The following CEP85L variants were observed in gnomAD, a reference collection of about 807,000 sequenced individuals.
The protein encoded by CEP85L is centrosomal protein 85L, also known as centrosomal protein of 85 kDa-like.
In CEP85L, 60 loss-of-function variants were observed where a neutral mutation model predicts 100.3. The ratio of observed to expected loss-of-function variants is 0.60; its 90% CI spans 0.49 to 0.74. The LOEUF (loss-of-function observed/expected upper bound fraction) is 0.74. Ranked by LOEUF, CEP85L falls within the 30% of genes least tolerant of loss-of-function variation. The probability of loss-of-function intolerance (pLI) is 0.00; values close to 1 mark genes in which losing one functional copy is unlikely to be tolerated. For missense variants in CEP85L, 973 were observed against 936.2 expected, an observed-to-expected ratio of 1.04 and a Z score of -0.51; for synonymous variants, 319 against 322.7, an observed-to-expected ratio of 0.99 and a Z score of 0.12.
At chr6:118,551,881 T>A (rs1422572647) in intron 3 of CEP85L, among the ~76,000 whole-genome samples, 2 of 151,934 alleles carry the variant, frequency 1.3e-5, no homozygotes, top group African/African-American at 4.8e-5. Flanking sequence ...TCCACTGGAG[T>A]GAACTTTTGT....
intron 1 of CEP85L, among the ~76,000 whole-genome samples, chr6:118,704,481 TG>T (rs1777528598): frequency 6.6e-6 from 1 of 152,148 alleles, no homozygotes; most frequent in African/African-American, 2.4e-5. Flanking sequence ...TTTGCTTTTT[TG>T]TTTTGAGACA....
Position 118,470,627 on chromosome 6 carries a change from A to T in CEP85L, c.1932T>A (p.Leu644=). The change falls in exon 11 of 13, where the codon CTT becomes CTA. Residue 644 remains leucine, a synonymous_variant. Coordinates refer to ENST00000368491, the MANE Select transcript of CEP85L (RefSeq NM_001042475.3). The stretch of plus-strand genomic sequence containing the variant: ...TTTGAGTGGTCAGTTTCTCTTTAGA[A>T]AGCTTTCCTTGCATAGACTAGAATT... ...ILEIQSMQGK[L]SKEKLTTQKM... is the part of the protein sequence containing the mutation. 6.2e-7 allele frequency: 1 copy of T among 1,600,316 alleles called. No individual in the cohort carries two copies. Among genetic ancestry groups the T allele is most frequent in the Non-Finnish European group, 8.5e-7 (1 of 1,173,314 alleles).
chr6:118,591,336 C>G (rs1374693946), intron 2 of CEP85L, among the ~76,000 whole-genome samples: 1 of 152,048 alleles, frequency 6.6e-6, no homozygotes, highest in Non-Finnish European at 1.5e-5. Context: ...TTGCAAAGGC[C>G]CCCTCCCACC....
chr6:118,669,677 A>G (rs996098822), intron 1 of CEP85L, among the ~76,000 whole-genome samples: 15 of 152,062 alleles, frequency 9.9e-5, no homozygotes, highest in African/African-American at 3.1e-4. Flanking sequence ...CTCTCATTGC[A>G]CTACTAAAAC....
At chr6:118,558,541 T>C (rs1038587754) in intron 3 of CEP85L, among the ~76,000 whole-genome samples, 1 of 151,498 alleles carries the variant, frequency 6.6e-6, no homozygotes, top group Non-Finnish European at 1.5e-5. Flanking sequence ...CTAAAGTTAC[T>C]ACTCCTAACA....
intron 9 of CEP85L, among the ~76,000 whole-genome samples, chr6:118,480,174 G>A (rs1773672503): frequency 6.6e-6 from 1 of 151,896 alleles, no homozygotes; most frequent in South Asian, 2.1e-4. Context: ...GAATAATTAA[G>A]GAAGGAAAAA....
At chr6:118,629,560 C>G (rs769552353) in intron 2 of CEP85L, among the ~76,000 whole-genome samples, 1 of 152,210 alleles carries the variant, frequency 6.6e-6, no homozygotes, top group Non-Finnish European at 1.5e-5. Flanking sequence ...CAACAGAACC[C>G]TCATGTATTG....
At chr6:118,614,037 G>C (rs1466495434) in intron 2 of CEP85L, among the ~76,000 whole-genome samples, 3 of 152,048 alleles carry the variant, frequency 2.0e-5, no homozygotes, top group Non-Finnish European at 4.4e-5. Flanking sequence ...CCATGACCAA[G>C]TGGCGCTTAT....
rs1780714743 is a variant in CEP85L, at chr6:118,583,898, A to T, written c.233-17582T>A. On this transcript the variant is annotated intron_variant, in intron 2 of 12. Transcript: ENST00000368491. ...CTAATCCCTATACCCTGTTAACTCA[A>T]ATACCTGAGGGAACTAAATGGTTTA... is the stretch of plus-strand genomic sequence containing the variant. Among the ~76,000 whole-genome samples the T allele has an allele frequency of 2.6e-5, 4 of 152,150 alleles. No homozygotes were observed. In the South Asian group the frequency reaches 8.3e-4, roughly 32 times the overall value.
At position 118,566,239 on chromosome 6, in the gene CEP85L, G is replaced by C; in HGVS notation, c.310C>G (p.Pro104Ala). 1 of 1,614,038 alleles carries C rather than the reference G, an allele frequency of 6.2e-7. No homozygotes were observed. Among genetic ancestry groups the C allele is most frequent in the Non-Finnish European group, 8.5e-7 (1 of 1,179,898 alleles). Reference protein sequence around the residue: ...LITLPTAHVMPSNSSASISKL... With the variant: ...LITLPTAHVMASNSSASISKL... ...GAAATTGAAGCGCTGGAATTAGACG[G>C]CATCACATGGGCAGTAGGAAGAGTA... The change falls in exon 3 of 13, where the codon CCG (proline) becomes GCG (alanine). Residue 104 changes from proline to alanine, a missense_variant. Pro to Ala is a conservative substitution (Grantham distance 27). Around this residue, in one of 3 missense-constraint regions of CEP85L, gnomAD observed 890 missense variants for 844.5 expected, o/e 1.05. Transcript: ENST00000368491.
intron 1 of CEP85L, among the ~76,000 whole-genome samples, chr6:118,709,040 C>G (rs1415331418): frequency 2.0e-5 from 3 of 152,052 alleles, no homozygotes; most frequent in Non-Finnish European, 4.4e-5. Context: ...AGAATAGCCC[C>G]GATTTTGTAC....
At chr6:118,523,345 T>C (rs1776773867) in intron 4 of CEP85L, among the ~76,000 whole-genome samples, 1 of 152,210 alleles carries the variant, frequency 6.6e-6, no homozygotes, top group Non-Finnish European at 1.5e-5. Context: ...ACTGCCATAA[T>C]TCTTAACTAT....
At chr6:118,614,661 T>C (rs552911872) in intron 2 of CEP85L, among the ~76,000 whole-genome samples, 1 of 152,084 alleles carries the variant, frequency 6.6e-6, no homozygotes, top group Non-Finnish European at 1.5e-5. Flanking sequence ...CTGACCAACA[T>C]GGAGAAACCC....
intron 4 of CEP85L, among the ~76,000 whole-genome samples, chr6:118,523,095 C>T (rs1026931893): frequency 6.6e-6 from 1 of 152,078 alleles, no homozygotes; most frequent in Admixed American, 6.6e-5. Flanking sequence ...TAAGTAATTA[C>T]GAGCACTGGT....
chr6:118,635,605 G>A (rs540107430), intron 1 of CEP85L, among the ~76,000 whole-genome samples: 1 of 152,268 alleles, frequency 6.6e-6, no homozygotes, highest in South Asian at 2.1e-4. Flanking sequence ...TTAGAAACCA[G>A]CTATAGCTCA....
In CEP85L at chr6:118,523,813, A is replaced by T. The variant is rs1340361381; in HGVS notation, c.1128T>A (p.Ile376=). Residue 376 remains isoleucine, a synonymous_variant, in exon 4 of 13, where the codon ATT becomes ATA. Transcript: ENST00000368491. ...IKEGLLRQKE[I]VIDRQKQQIT... ...TAAAATAGACTCACCGATCGATTAC[A>T]ATTTCTTTCTGCCTTAGAAGTCCTT... 12 of 1,509,410 alleles carry T rather than the reference A, an allele frequency of 8.0e-6. No homozygotes were observed. Among genetic ancestry groups the T allele is most frequent in the Non-Finnish European group, 1.1e-5 (12 of 1,088,082 alleles). The allele number at this position is 1,509,410 out of a possible 1,614,324, so 93.5% of individuals were successfully genotyped here. A position where few individuals can be genotyped will look rare whatever the true frequency, so the allele number is the denominator to read the frequency against.
chr6:118,702,014 T>C (rs896842617), intron 1 of CEP85L, among the ~76,000 whole-genome samples: 5 of 152,220 alleles, frequency 3.3e-5, no homozygotes, highest in African/African-American at 1.2e-4. Context: ...ATAACAGTAA[T>C]ATAGCATTTT....
chr6:118,562,018 T>C (rs1779253776), intron 3 of CEP85L, among the ~76,000 whole-genome samples: 1 of 152,204 alleles, frequency 6.6e-6, no homozygotes, highest in Non-Finnish European at 1.5e-5. Flanking sequence ...AATTTTATGC[T>C]AATATTACAT....
intron 1 of CEP85L, among the ~76,000 whole-genome samples, chr6:118,695,284 A>G (rs927267018): frequency 6.6e-6 from 1 of 152,230 alleles, no homozygotes; most frequent in Non-Finnish European, 1.5e-5. Context: ...TCAGAATTAC[A>G]GAAATGAGAA....
Sources: allele counts gnomAD v4.1 joint callset (sites outside exome capture counted in the v4.1 genomes callset), GRCh38; gene constraint gnomAD v4.1.1; regional missense constraint gnomAD v4.1.1; transcripts MANE v1.5; gene names NCBI Gene and HGNC (gene_info 2026-07-23, HGNC 2026-07-21).